The following UBA2 variants were observed in gnomAD, a reference collection of about 807,000 sequenced individuals.
The protein encoded by UBA2 is ubiquitin like modifier activating enzyme 2, also known as SUMO-activating enzyme subunit 2.
A neutral mutation model predicts 77.2 loss-of-function variants in UBA2; 11 were observed. The observed-to-expected ratio is 0.14, with a 90% CI of 0.09 to 0.24. The LOEUF (loss-of-function observed/expected upper bound fraction) is 0.24. UBA2 is among the 10% of genes least tolerant of loss of function. UBA2 has a pLI of 1.00. For missense variants in UBA2, 487 were observed against 781.7 expected, an observed-to-expected ratio of 0.62 and a Z score of 4.50; for synonymous variants, 278 against 276.7, an observed-to-expected ratio of 1.00 and a Z score of -0.05.
At chr19:34,463,097 A>C (rs886824337) in intron 14 of UBA2, among the ~76,000 whole-genome samples, 2 of 137,038 alleles carry the variant, frequency 1.5e-5, no homozygotes, top group Admixed American at 1.4e-4. Context: ...ACTCTGTCTC[A>C]AAAAAAAAAA....
chr19:34,456,301 G>A (rs888441130), intron 12 of UBA2, among the ~76,000 whole-genome samples: 7 of 151,146 alleles, frequency 4.6e-5, no homozygotes, highest in African/African-American at 1.2e-4. Flanking sequence ...TATTAGTAGA[G>A]ACGGTGTTTC....
intron 8 of UBA2, among the ~76,000 whole-genome samples, chr19:34,447,947 A>G: frequency 6.6e-6 from 1 of 152,186 alleles, no homozygotes; most frequent in East Asian, 1.9e-4. Context: ...GTACAAGGAA[A>G]CTCTCAGTTG....
chr19:34,445,382 C>A (rs1222267195), intron 8 of UBA2, among the ~76,000 whole-genome samples: 1 of 151,020 alleles, frequency 6.6e-6, no homozygotes, highest in Non-Finnish European at 1.5e-5. Context: ...GTTGTCTTTC[C>A]TTCTCTCACT....
intron 14 of UBA2, among the ~76,000 whole-genome samples, chr19:34,463,761 C>T (rs974758126): frequency 2.0e-5 from 3 of 152,130 alleles, no homozygotes; most frequent in African/African-American, 7.2e-5. Flanking sequence ...AGCTACTGTG[C>T]CTGCCTTCCT....
chr19:34,447,567 A>T (rs1309135800), intron 8 of UBA2, among the ~76,000 whole-genome samples: 3 of 152,256 alleles, frequency 2.0e-5, no homozygotes, highest in Non-Finnish European at 4.4e-5. Flanking sequence ...TATTTAGCAG[A>T]TAATTTTAAA....
intron 9 of UBA2, among the ~76,000 whole-genome samples, chr19:34,451,242 C>G (rs1159013346): frequency 6.6e-6 from 1 of 152,102 alleles, no homozygotes; most frequent in African/African-American, 2.4e-5. Flanking sequence ...CTTGTCTCTC[C>G]TTTATCTGAA....
At position 34,470,107 on chromosome 19, in the gene UBA2, A is replaced by AG. The variant is rs1370165361; in HGVS notation, c.*886_*887insG. On this transcript the variant is annotated 3_prime_UTR_variant, in exon 17 of 17. Coordinates refer to ENST00000246548, the MANE Select transcript of UBA2 (RefSeq NM_005499.3). ...CCATCTCTACTAAAAAAAAAAAAAA[A>AG]AATTAGCCGGGCCTGGTGGCAGGCA... is the stretch of plus-strand genomic sequence containing the variant. 1 of 149,114 alleles carries AG rather than the reference A, an allele frequency of 6.7e-6. No individual in the cohort carries two copies. The highest frequency in any genetic ancestry group is 1.9e-4 in the East Asian group (1 of 5,174). The allele number at this position is 149,114 out of a possible 1,614,324, so 9.2% of individuals were successfully genotyped here.
At chr19:34,434,396 A>G (rs571616348) in intron 4 of UBA2, among the ~76,000 whole-genome samples, 27 of 152,330 alleles carry the variant, frequency 1.8e-4, no homozygotes, top group Non-Finnish European at 3.5e-4. Flanking sequence ...GATTATGGGC[A>G]TGAGCCAGTG....
chr19:34,456,936 A>G (rs1025372790), intron 12 of UBA2, among the ~76,000 whole-genome samples: 4 of 151,716 alleles, frequency 2.6e-5, no homozygotes, highest in African/African-American at 9.7e-5. Flanking sequence ...GCTCACCAAC[A>G]GTACTAATTA....
intron 7 of UBA2, 120 bp from the exon 8 acceptor site, chr19:34,444,880 C>A: frequency 1.0e-6 from 1 of 994,520 alleles, no homozygotes; most frequent in Non-Finnish European, 1.5e-6. Flanking sequence ...TCCTTGAACT[C>A]AGAATGTGTT....
At chr19:34,444,046 T>TTTG (rs1421891738) in intron 7 of UBA2, 135 bp downstream of exon 7, 10 of 28,388 alleles carry the variant, frequency 3.5e-4, no homozygotes, top group South Asian at 2.0e-3. Flanking sequence ...TTTTTTTTGT[T>TTTG]TTTTTTTTTT....
intron 9 of UBA2, 52 bp from the exon 10 acceptor site, chr19:34,451,929 G>A: frequency 9.4e-7 from 1 of 1,063,252 alleles, no homozygotes; most frequent in South Asian, 1.8e-5. Flanking sequence ...GAGCACAGTA[G>A]AGGAATGATG....
intron 10 of UBA2, among the ~76,000 whole-genome samples, chr19:34,454,027 T>G (rs541983921): frequency 7.4e-4 from 112 of 152,222 alleles, no homozygotes; most frequent in South Asian, 8.3e-4. Context: ...ATTCTTGGTG[T>G]TCTTGTCAGA....
At chr19:34,443,591 G>A (rs2075393902) in intron 6 of UBA2, among the ~76,000 whole-genome samples, 1 of 151,876 alleles carries the variant, frequency 6.6e-6, no homozygotes. Flanking sequence ...ACAGGCGTGC[G>A]CTACCACGCC....
intron 16 of UBA2, 96 bp downstream of exon 16, chr19:34,467,110 C>A: frequency 7.1e-7 from 1 of 1,408,562 alleles, no homozygotes; most frequent in Non-Finnish European, 9.7e-7. Flanking sequence ...ATCCATAAAA[C>A]TACTAGAGGT....
Position 34,464,069 on chromosome 19 carries a change from C to T in UBA2, c.1542C>T (p.Gly514=), listed in dbSNP as rs775551383. The part of the protein sequence containing the change: ...KKLSEFGIRN[G]SRLQADDFLQ... ...TGTCAGAATTTGGAATTAGAAATGG[C>T]AGCCGGCTTCAAGCAGATGACTTCC... Residue 514 remains glycine (G), a synonymous_variant, in exon 15 of 17, where the codon GGC becomes GGT. Coordinates refer to ENST00000246548, the MANE Select transcript of UBA2 (RefSeq NM_005499.3). The T allele has an allele frequency of 6.2e-7, 1 of 1,613,950 alleles. No homozygotes were observed. Among genetic ancestry groups the T allele is most frequent in the African/African-American group, 1.3e-5 (1 of 75,034 alleles).
intron 10 of UBA2, 106 bp from the exon 11 acceptor site, chr19:34,454,154 C>A: frequency 9.7e-7 from 1 of 1,029,566 alleles, no homozygotes; most frequent in Non-Finnish European, 1.4e-6. Flanking sequence ...TTGTTCTAGT[C>A]GAAAGTCTAT....
intron 14 of UBA2, among the ~76,000 whole-genome samples, chr19:34,461,660 C>T (rs1395620202): frequency 4.6e-5 from 7 of 152,202 alleles, no homozygotes; most frequent in African/African-American, 9.7e-5. Flanking sequence ...TGAGACAGCA[C>T]TTACCAGAAT....
chr19:34,470,984 C>T lies in UBA2; in HGVS notation c.*1763C>T, dbSNP rs530366384. ...TTTGTCTGGGTTGTCCCCTAGTTTA[C>T]CAAAGTCCATTTTGAATGTACCATC... On this transcript the variant is annotated 3_prime_UTR_variant, in exon 17 of 17. Transcript: ENST00000246548. 6.6e-6 allele frequency: 1 copy of T among 152,268 alleles called. No homozygotes were observed. The highest frequency in any genetic ancestry group is 2.1e-4 in the South Asian group (1 of 4,822). The allele number at this position is 152,268 out of a possible 1,614,324, so 9.4% of individuals were successfully genotyped here. A position where few individuals can be genotyped will look rare whatever the true frequency, so the allele number is the denominator to read the frequency against.
Sources: allele counts gnomAD v4.1 joint callset (sites outside exome capture counted in the v4.1 genomes callset), GRCh38; gene constraint gnomAD v4.1.1; transcripts MANE v1.5; gene names NCBI Gene and HGNC (gene_info 2026-07-23, HGNC 2026-07-21).